Variants in LHFPL4 observed in about 807,000 individuals in gnomAD.
LHFPL4 encodes LHFPL tetraspan subfamily member 4 protein.
LHFPL4 carries 6 observed loss-of-function variants against 20.0 expected under a neutral mutation model. The observed-to-expected ratio is 0.30, with a 90% CI of 0.16 to 0.59. The LOEUF (loss-of-function observed/expected upper bound fraction) is 0.59, where lower values mean the gene tolerates loss of function less well. Among genes scored for constraint, LHFPL4 ranks in the 20% least tolerant of loss-of-function variants. The pLI, the probability that LHFPL4 is intolerant of heterozygous loss-of-function variation, is 0.88. For missense variants in LHFPL4, 215 were observed against 331.2 expected, an observed-to-expected ratio of 0.65 and a Z score of 2.72; for synonymous variants, 129 against 143.8, an observed-to-expected ratio of 0.90 and a Z score of 0.74.
In LHFPL4 at chr3:9,548,623, T is replaced by A. The variant is rs576026655; in HGVS notation, c.406+3651A>T. On this transcript the variant is annotated intron_variant, in intron 2 of 3. Coordinates refer to ENST00000287585, the MANE Select transcript of LHFPL4 (RefSeq NM_198560.3). ...CATGGCATTTCCAGCCCGCACATATTAGTGCTCAGACTGCCCAGGGGAAAA... is the reference window on the plus strand; with the variant it reads ...CATGGCATTTCCAGCCCGCACATATAAGTGCTCAGACTGCCCAGGGGAAAA... Among the ~76,000 whole-genome samples the A allele has an allele frequency of 6.1e-4, 93 of 152,302 alleles. 2 individuals are homozygous for A. The highest frequency in any genetic ancestry group is 2.2e-3 in the African/African-American group (90 of 41,568).
At chr3:9,511,175 A>C (rs1040833120) in intron 2 of LHFPL4, among the ~76,000 whole-genome samples, 19 of 151,280 alleles carry the variant, frequency 1.3e-4, no homozygotes, top group Non-Finnish European at 2.4e-4. Context: ...CACAGTGAAA[A>C]CCCATCTCTA....
rs1295832351 is a variant in LHFPL4 at position 9,502,318 on chromosome 3, G to C, written c.644-7C>G. ...ACTGTAGAGCCCACAAAATCTAAGA[G>C]AGAGAGAGAGAGAGAGAAGGAGAGA... On this transcript the variant is annotated splice_region_variant and splice_polypyrimidine_tract_variant and intron_variant, in intron 3 of 3. Transcript: ENST00000287585. 2.7e-6 allele frequency: 4 copies of C among 1,502,614 alleles called. No homozygotes were observed. The highest frequency in any genetic ancestry group is 2.8e-5 in the African/African-American group (2 of 72,434). 93.1% of individuals were successfully genotyped at this position (1,502,614 alleles called of 1,614,324 possible). A position where few individuals can be genotyped will look rare whatever the true frequency, so the allele number is the denominator to read the frequency against.
intron 2 of LHFPL4, among the ~76,000 whole-genome samples, chr3:9,529,536 A>T (rs906302735): frequency 2.0e-5 from 3 of 152,238 alleles, no homozygotes; most frequent in Non-Finnish European, 4.4e-5. Context: ...AGCAGGCATG[A>T]AAACAGCATT....
chr3:9,551,726 C>T, intron 2 of LHFPL4, among the ~76,000 whole-genome samples: 1 of 152,106 alleles, frequency 6.6e-6, no homozygotes, highest in East Asian at 1.9e-4. Context: ...GACAGCCTCT[C>T]CCCCTTATCA....
chr3:9,515,317 T>A (rs1448157143), intron 2 of LHFPL4, among the ~76,000 whole-genome samples: 2 of 152,170 alleles, frequency 1.3e-5, no homozygotes, highest in African/African-American at 4.8e-5. Context: ...TCTGCTAAGG[T>A]CTTTTGCCCA....
chr3:9,499,475 T>C lies in LHFPL4; in HGVS notation c.*2736A>G. 1 of 152,426 alleles carries C rather than the reference T, an allele frequency of 6.6e-6. No homozygotes were observed. Among genetic ancestry groups the C allele is most frequent in the Non-Finnish European group, 1.5e-5 (1 of 68,122 alleles). The allele number at this position is 152,426 out of a possible 1,614,324, so 9.4% of individuals were successfully genotyped here. On this transcript the variant is annotated 3_prime_UTR_variant, in exon 4 of 4. Coordinates refer to ENST00000287585, the MANE Select transcript of LHFPL4 (RefSeq NM_198560.3). The stretch of plus-strand genomic sequence containing the variant: ...CTGACTCCAAACTCCCTGGTGCATC[T>C]CCCCCTGGCTCTGCCAAGATGGCAG...
At chr3:9,526,032 T>C (rs1486415010) in intron 2 of LHFPL4, among the ~76,000 whole-genome samples, 3 of 152,100 alleles carry the variant, frequency 2.0e-5, no homozygotes, top group Admixed American at 2.0e-4. Context: ...TACAATGAAA[T>C]ATATTGAACC....
intron 3 of LHFPL4, among the ~76,000 whole-genome samples, chr3:9,505,617 G>T (rs1218440413): frequency 6.6e-6 from 1 of 152,116 alleles, no homozygotes; most frequent in East Asian, 1.9e-4. Context: ...GTAGAGACAG[G>T]GTTTCACCGT....
In LHFPL4 at chr3:9,506,035, A is replaced by G. The variant is rs2046215901; in HGVS notation, c.575T>C (p.Phe192Ser). Reference protein sequence around the residue: ...IGILNALILSFLAFVLGNRQT... With the variant: ...IGILNALILSSLAFVLGNRQT... ...CCGGTTGCCCAGCACGAAGGCGAGGAAGGAGAGGATGAGGGCGTTGAGGAT... is the reference window on the plus strand; with the variant it reads ...CCGGTTGCCCAGCACGAAGGCGAGGGAGGAGAGGATGAGGGCGTTGAGGAT... Residue 192 changes from phenylalanine to serine, a missense_variant, in exon 3 of 4, where the codon TTC (phenylalanine) becomes TCC (serine). By Grantham distance (155) the Phe-to-Ser change is radical. Transcript: ENST00000287585. The surrounding 1 kb of genome is among the most constrained non-coding windows in gnomAD (Gnocchi z 4.5). 2 of 1,614,124 alleles carry G rather than the reference A, an allele frequency of 1.2e-6. No individual in the cohort carries two copies. Among genetic ancestry groups the G allele is most frequent in the Non-Finnish European group, 1.7e-6 (2 of 1,180,014 alleles).
chr3:9,549,131 A>T (rs1176081884), intron 2 of LHFPL4, among the ~76,000 whole-genome samples: 18 of 152,100 alleles, frequency 1.2e-4, no homozygotes, highest in Non-Finnish European at 1.3e-4. Flanking sequence ...AGCCAGCTCG[A>T]GTTGGGTTTC....
chr3:9,551,792 CCT>C (rs1339166829), intron 2 of LHFPL4, among the ~76,000 whole-genome samples: 2 of 152,146 alleles, frequency 1.3e-5, no homozygotes, highest in African/African-American at 2.4e-5. Flanking sequence ...AATCTTCTCC[CCT>C]GTTTTACAGA....
chr3:9,518,305 T>A (rs1382055995), intron 2 of LHFPL4, among the ~76,000 whole-genome samples: 1 of 152,218 alleles, frequency 6.6e-6, no homozygotes, highest in African/African-American at 2.4e-5. Flanking sequence ...TGATTTGACT[T>A]GCTAATAATT....
intron 2 of LHFPL4, among the ~76,000 whole-genome samples, chr3:9,542,261 G>A (rs2125666479): frequency 6.6e-6 from 1 of 152,240 alleles, no homozygotes; most frequent in South Asian, 2.1e-4. Flanking sequence ...ACTCCAGCCT[G>A]GGCACCAGAG....
chr3:9,509,001 G>A lies in LHFPL4; in HGVS notation c.407-2798C>T, dbSNP rs370184833. Among the ~76,000 whole-genome samples, 133 of 152,290 alleles carry A rather than the reference G, an allele frequency of 8.7e-4. 1 individual carries two copies. The South Asian group carries it at 9.4e-3, about 11-fold the overall frequency. ...AGAGGCGCGGGTCCTGCAGTAGTCG[G>A]TGGCTCCCGCCAGGAGCATCCCCGT... On this transcript the variant is annotated intron_variant, in intron 2 of 3. Coordinates refer to ENST00000287585, the MANE Select transcript of LHFPL4 (RefSeq NM_198560.3).
At chr3:9,521,031 G>C (rs754688944) in intron 2 of LHFPL4, among the ~76,000 whole-genome samples, 5 of 152,062 alleles carry the variant, frequency 3.3e-5, no homozygotes, top group Non-Finnish European at 5.9e-5. Context: ...AAGAGTAGAT[G>C]CATCTATTTC....
chr3:9,512,914 C>A (rs1175203544), intron 2 of LHFPL4, among the ~76,000 whole-genome samples: 1 of 152,156 alleles, frequency 6.6e-6, no homozygotes, highest in Non-Finnish European at 1.5e-5. Flanking sequence ...GCTAGCATAC[C>A]AGCTCTGGAC....
chr3:9,517,801 GT>G (rs1162876826), intron 2 of LHFPL4, among the ~76,000 whole-genome samples: 5 of 75,574 alleles, frequency 6.6e-5, no homozygotes, highest in Non-Finnish European at 1.3e-4. Context: ...GGGTTTTTTT[GT>G]TTTTTGTTTT....
intron 2 of LHFPL4, among the ~76,000 whole-genome samples, chr3:9,548,776 G>A (rs1163650702): frequency 6.6e-6 from 1 of 152,148 alleles, no homozygotes; most frequent in Non-Finnish European, 1.5e-5. Flanking sequence ...ATGTGGCTCG[G>A]GCCTTAGACA....
intron 2 of LHFPL4, among the ~76,000 whole-genome samples, chr3:9,548,112 C>T (rs758868502): frequency 7.9e-5 from 12 of 152,070 alleles, no homozygotes; most frequent in African/African-American, 2.7e-4. Context: ...GGCTGATCTC[C>T]GGTTTTAGAG....
Sources: gnomAD v4.1 joint callset for allele counts (sites outside exome capture counted in the v4.1 genomes callset) on GRCh38, gnomAD v4.1.1 for gene constraint, Gnocchi (gnomAD v3.1) non-coding constraint, MANE v1.5 for transcripts, NCBI Gene and HGNC (gene_info 2026-07-23, HGNC 2026-07-21) for gene names.